Variants in PARD3B observed in about 807,000 individuals in gnomAD.
PARD3B encodes the protein partitioning defective 3 homolog B.
PARD3B carries 103 observed loss-of-function variants against 130.2 expected under a neutral mutation model. That is an observed-to-expected ratio of 0.79 (90% CI 0.67 to 0.93). The LOEUF is 0.93. Among genes scored for constraint, PARD3B ranks in the 40% least tolerant of loss-of-function variants. PARD3B has a pLI of 0.00. For synonymous variants in PARD3B, 583 were observed against 553.2 expected (o/e 1.05, Z -0.76); for missense variants, 1,609 against 1,499.2 (o/e 1.07, Z -1.21).
In PARD3B at chr2:204,917,525, T is replaced by C. The variant is rs145502636; in HGVS notation, c.223-47627T>C. 9.2e-5 allele frequency among the ~76,000 whole-genome samples: 14 copies of C among 152,162 alleles called. 1 individual carries two copies. The East Asian group carries it at 2.7e-3, about 29-fold the overall frequency. ...GCTGAGCTGGGGAATTCTATGGGAG[T>C]TGCAGGTTTGGTGAATGCTATCAGG... On this transcript the variant is annotated intron_variant, in intron 2 of 22. Transcript: ENST00000406610.
In PARD3B at chr2:205,397,376, G is replaced by A. The variant is rs1251778720; in HGVS notation, c.2631-3637G>A. ...TTGCTTGATTTGACTGTTATTGGCA[G>A]TTCTTGCTAAGAAGAAAATACTTTG... On this transcript the variant is annotated intron_variant, in intron 18 of 22. Transcript: ENST00000406610. This position sits in a 1 kb window ranked among gnomAD's most constrained non-coding sequence, Gnocchi z 4.8. 2.0e-5 allele frequency among the ~76,000 whole-genome samples: 3 copies of A among 152,150 alleles called. No homozygotes were observed. Among genetic ancestry groups the A allele is most frequent in the Non-Finnish European group, 4.4e-5 (3 of 68,028 alleles).
chr2:204,762,078 G>A (rs1459133700), intron 2 of PARD3B, among the ~76,000 whole-genome samples: 2 of 145,864 alleles, frequency 1.4e-5, no homozygotes, highest in African/African-American at 2.5e-5. Context: ...CTTATATATT[G>A]AATGATAAAG....
In PARD3B at chr2:205,446,012, A is replaced by G. The variant is rs1471760374; in HGVS notation, c.3044+5340A>G. 6.6e-6 allele frequency among the ~76,000 whole-genome samples: 1 copy of G among 152,180 alleles called. No homozygotes were observed. Among genetic ancestry groups the G allele is most frequent in the Non-Finnish European group, 1.5e-5 (1 of 68,040 alleles). On this transcript the variant is annotated intron_variant, in intron 20 of 22. Transcript: ENST00000406610. The surrounding 1 kb of genome is among the most constrained non-coding windows in gnomAD (Gnocchi z 4.4). ...ATCCAATGGCAATACAAAGACCTAA[A>G]CATGCAGTGAGAACACAGTGTGGAA...
Position 205,417,919 on chromosome 2 carries a change from A to G in PARD3B, c.2741+16796A>G, listed in dbSNP as rs190517062. Among the ~76,000 whole-genome samples the G allele has an allele frequency of 3.9e-5, 6 of 152,286 alleles. No individual in the cohort carries two copies. The South Asian group carries it at 8.3e-4, about 21-fold the overall frequency. On this transcript the variant is annotated intron_variant, in intron 19 of 22. Transcript: ENST00000406610. ...GTGTGCACTTGAAAATCTAACAAGC[A>G]TGTGTTTTCCTAATAGGCAGTACTC...
chr2:205,505,115 T>G (rs1024314359), intron 21 of PARD3B, among the ~76,000 whole-genome samples: 9 of 152,036 alleles, frequency 5.9e-5, no homozygotes, highest in African/African-American at 2.2e-4. Flanking sequence ...CTGGAAACCA[T>G]CATTCTCAGC....
intron 10 of PARD3B, among the ~76,000 whole-genome samples, chr2:205,133,655 A>T (rs1421213695): frequency 6.6e-6 from 1 of 152,192 alleles, no homozygotes; most frequent in Admixed American, 6.5e-5. Context: ...TCTGGGAAAA[A>T]TATTCTGTGA....
intron 2 of PARD3B, among the ~76,000 whole-genome samples, chr2:204,809,259 G>C (rs1049457597): frequency 6.6e-6 from 1 of 151,992 alleles, no homozygotes; most frequent in Non-Finnish European, 1.5e-5. Flanking sequence ...TTCTTTTGCT[G>C]TTAGAAGCAC....
chr2:204,928,029 C>T (rs987994738), intron 2 of PARD3B, among the ~76,000 whole-genome samples: 10 of 152,070 alleles, frequency 6.6e-5, no homozygotes, highest in Non-Finnish European at 1.3e-4. Context: ...GCCCATGAGT[C>T]CACATGTTAG....
At chr2:205,210,133 C>T (rs540104811) in intron 15 of PARD3B, among the ~76,000 whole-genome samples, 3 of 151,980 alleles carry the variant, frequency 2.0e-5, no homozygotes, top group Admixed American at 6.6e-5. Context: ...TGAGAGGCTG[C>T]GTTGGGAGGA....
intron 21 of PARD3B, among the ~76,000 whole-genome samples, chr2:205,540,009 C>A (rs1427852525): frequency 1.3e-5 from 2 of 152,166 alleles, no homozygotes; most frequent in Non-Finnish European, 2.9e-5. Context: ...TATCACTACT[C>A]AGCTTGCAGG....
At position 205,564,617 on chromosome 2, in the gene PARD3B, G is replaced by A. The variant is rs1052351320; in HGVS notation, c.3260+11214G>A. ...TGAGACGCAAATGCCAGACAACTGCGGAAGCATCGCTTCTACTGACTCTGC... is the reference window on the plus strand; with the variant it reads ...TGAGACGCAAATGCCAGACAACTGCAGAAGCATCGCTTCTACTGACTCTGC... On this transcript the variant is annotated intron_variant, in intron 22 of 22. Coordinates refer to ENST00000406610, the MANE Select transcript of PARD3B (RefSeq NM_001302769.2). This position sits in a 1 kb window ranked among gnomAD's most constrained non-coding sequence, Gnocchi z 4.6. Among the ~76,000 whole-genome samples, 2 of 152,150 alleles carry A rather than the reference G, an allele frequency of 1.3e-5. No homozygotes were observed. The highest frequency in any genetic ancestry group is 2.4e-5 in the African/African-American group (1 of 41,436).
rs546975556 is a variant in PARD3B, at chr2:204,563,025, G to T, written c.120+16906G>T. On this transcript the variant is annotated intron_variant, in intron 1 of 22. Transcript: ENST00000406610. ...ACAAACTGGGTGGTTTAAAACAAGA[G>T]AAATTTATTTTCTCACAGTTCTAAA... Among the ~76,000 whole-genome samples the T allele has an allele frequency of 1.4e-4, 21 of 152,240 alleles. No individual in the cohort carries two copies. The South Asian group carries it at 3.7e-3, about 27-fold the overall frequency.
chr2:204,744,418 AT>A (rs1187177507), intron 2 of PARD3B, among the ~76,000 whole-genome samples: 1 of 152,130 alleles, frequency 6.6e-6, no homozygotes, highest in East Asian at 1.9e-4. Context: ...TTTGTAGCAC[AT>A]TTTTCTAATT....
intron 18 of PARD3B, among the ~76,000 whole-genome samples, chr2:205,369,953 A>C (rs2044747851): frequency 6.6e-6 from 1 of 152,194 alleles, no homozygotes; most frequent in Non-Finnish European, 1.5e-5. Context: ...CAGACCATGG[A>C]CCTAACTTCT....
chr2:205,349,802 T>C (rs1489963925), intron 18 of PARD3B, among the ~76,000 whole-genome samples: 7 of 141,752 alleles, frequency 4.9e-5, no homozygotes, highest in East Asian at 4.5e-4. Flanking sequence ...CTTTTTCTCT[T>C]TTTTTTTTTT....
chr2:205,452,746 T>G (rs971731620), intron 20 of PARD3B, among the ~76,000 whole-genome samples: 6 of 152,174 alleles, frequency 3.9e-5, no homozygotes, highest in African/African-American at 1.4e-4. Flanking sequence ...TATATCTGCC[T>G]AAATTGTCAG....
chr2:204,584,253 C>G (rs1351424446), intron 1 of PARD3B, among the ~76,000 whole-genome samples: 1 of 152,072 alleles, frequency 6.6e-6, no homozygotes, highest in Non-Finnish European at 1.5e-5. Flanking sequence ...AGGTCTTTTC[C>G]TCAAGGTATT....
intron 3 of PARD3B, among the ~76,000 whole-genome samples, chr2:204,988,811 A>T (rs1408924712): frequency 6.6e-6 from 1 of 152,342 alleles, no homozygotes; most frequent in South Asian, 2.1e-4. Context: ...TTTACAAGAA[A>T]TGGTGTGCCC....
At chr2:204,997,751 A>T (rs562758014) in intron 3 of PARD3B, among the ~76,000 whole-genome samples, 3 of 151,732 alleles carry the variant, frequency 2.0e-5, no homozygotes, top group Non-Finnish European at 2.9e-5. Context: ...CCAGTGTTGG[A>T]TAGAATGAGT....
Sources: gnomAD v4.1 joint callset for allele counts (sites outside exome capture counted in the v4.1 genomes callset) on GRCh38, gnomAD v4.1.1 for gene constraint, Gnocchi (gnomAD v3.1) non-coding constraint, MANE v1.5 for transcripts, NCBI Gene and HGNC (gene_info 2026-07-23, HGNC 2026-07-21) for gene names.